The following MAP4K5 variants were observed in gnomAD, a reference collection of about 807,000 sequenced individuals.
MAP4K5 encodes mitogen-activated protein kinase kinase kinase kinase 5.
In MAP4K5, 82 loss-of-function variants were observed where a neutral mutation model predicts 135.6. That is an observed-to-expected ratio of 0.60 (90% CI 0.51 to 0.73). The LOEUF is 0.73. Ranked by LOEUF, MAP4K5 falls within the 30% of genes least tolerant of loss-of-function variation. MAP4K5 has a pLI of 0.00. For missense variants in MAP4K5, 907 were observed against 1,010.9 expected, an observed-to-expected ratio of 0.90 and a Z score of 1.39; for synonymous variants, 347 against 335.0, an observed-to-expected ratio of 1.04 and a Z score of -0.39.
chr14:50,480,603 C>T (rs1417442170), intron 6 of MAP4K5, among the ~76,000 whole-genome samples: 1 of 152,038 alleles, frequency 6.6e-6, no homozygotes, highest in African/African-American at 2.4e-5. Context: ...TAAGGATCTC[C>T]AGCTCCATCC....
intron 2 of MAP4K5, among the ~76,000 whole-genome samples, chr14:50,528,109 C>T (rs901419864): frequency 6.6e-6 from 1 of 152,066 alleles, no homozygotes. Context: ...ACATTTAATC[C>T]TTCATCCACC....
chr14:50,531,813 C>A lies in MAP4K5; in HGVS notation c.108+129G>T, dbSNP rs2038396028. On this transcript the variant is annotated intron_variant, in intron 2 of 32. Transcript: ENST00000682126. ...GTGCTCAGAACCGAGTAAAAGGGAC[C>A]CCGGCCGCTTTCTCCCCAAGAGGCA... is the stretch of plus-strand genomic sequence containing the variant. The A allele has an allele frequency of 8.1e-6, 6 of 744,316 alleles. No individual in the cohort carries two copies. The African/African-American group carries it at 8.7e-5, about 11-fold the overall frequency. 46.1% of individuals were successfully genotyped at this position (744,316 alleles called of 1,614,324 possible).
In MAP4K5 at chr14:50,475,153, G is replaced by C; in HGVS notation, c.470-4C>G. The C allele has an allele frequency of 6.2e-7, 1 of 1,613,566 alleles. No individual in the cohort carries two copies. Among genetic ancestry groups the C allele is most frequent in the Non-Finnish European group, 8.5e-7 (1 of 1,179,592 alleles). ...TTTGCAGCCACACCAAAGTCAGCTA[G>C]TGAGGAAAAAAACAGAAAATTTTAG... On this transcript the variant is annotated splice_region_variant and splice_polypyrimidine_tract_variant and intron_variant, in intron 8 of 32. Coordinates refer to ENST00000682126, the MANE Select transcript of MAP4K5 (RefSeq NM_006575.6).
At chr14:50,517,380 G>T (rs2038055388) in intron 2 of MAP4K5, among the ~76,000 whole-genome samples, 2 of 151,888 alleles carry the variant, frequency 1.3e-5, no homozygotes, top group African/African-American at 4.8e-5. Flanking sequence ...TCGAACTCCT[G>T]ACCTCAGGTG....
intron 3 of MAP4K5, among the ~76,000 whole-genome samples, chr14:50,501,443 T>A (rs1380344356): frequency 6.6e-6 from 1 of 151,588 alleles, no homozygotes; most frequent in Non-Finnish European, 1.5e-5. Flanking sequence ...TAAGAAAATA[T>A]TAAAAACAAA....
chr14:50,535,894 A>G (rs552481835), upstream of MAP4K5, among the ~76,000 whole-genome samples: 1 of 152,184 alleles, frequency 6.6e-6, no homozygotes, highest in African/African-American at 2.4e-5. Context: ...CATGAGGGCA[A>G]GTCTTTCCCA....
intron 31 of MAP4K5, among the ~76,000 whole-genome samples, chr14:50,424,264 T>A (rs1241515816): frequency 5.9e-5 from 9 of 152,066 alleles, no homozygotes; most frequent in African/African-American, 2.2e-4. Context: ...GGTGTTATAC[T>A]AGTTGGAGCT....
At chr14:50,472,519 G>C (rs1374662098) in intron 9 of MAP4K5, 1 of 152,106 alleles carries the variant, frequency 6.6e-6, no homozygotes, top group Non-Finnish European at 1.5e-5. Flanking sequence ...AATATGGGAA[G>C]GCATGTAATT....
intron 5 of MAP4K5, among the ~76,000 whole-genome samples, chr14:50,483,786 C>T (rs1277232974): frequency 6.8e-6 from 1 of 146,708 alleles, no homozygotes; most frequent in African/African-American, 2.5e-5. Context: ...TGTGAATGGA[C>T]AAAAATTACA....
intron 3 of MAP4K5, among the ~76,000 whole-genome samples, chr14:50,487,833 T>C (rs2037399797): frequency 6.6e-6 from 1 of 152,176 alleles, no homozygotes; most frequent in South Asian, 2.1e-4. Context: ...TCTTCTTTTA[T>C]ATCACTCCTC....
At chr14:50,501,882 C>G (rs980540757) in intron 3 of MAP4K5, among the ~76,000 whole-genome samples, 1 of 152,164 alleles carries the variant, frequency 6.6e-6, no homozygotes, top group Non-Finnish European at 1.5e-5. Context: ...TCCGTGAGAA[C>G]AAGGTCTTTG....
chr14:50,529,105 G>A (rs929924351), intron 2 of MAP4K5, among the ~76,000 whole-genome samples: 7 of 152,080 alleles, frequency 4.6e-5, no homozygotes, highest in African/African-American at 1.7e-4. Flanking sequence ...TCACAGGGCC[G>A]GATGTGGTGG....
intron 21 of MAP4K5, 34 bp from the exon 22 acceptor site, chr14:50,440,475 C>A: frequency 9.0e-7 from 1 of 1,113,478 alleles, no homozygotes; most frequent in South Asian, 1.6e-5. Context: ...CAGAATTTAC[C>A]ATCATCTTCT....
intron 16 of MAP4K5, among the ~76,000 whole-genome samples, chr14:50,446,431 A>G (rs1305199499): frequency 6.6e-6 from 1 of 152,236 alleles, no homozygotes; most frequent in Non-Finnish European, 1.5e-5. Context: ...AGAATTTTAG[A>G]GTTGGGACCC....
rs577023101 is a variant in MAP4K5, at chr14:50,517,324, G to A, written c.109-12467C>T. Reference sequence around the variant, plus strand: ...GTGCCACCACGCCCAGCTAATTTTTGTATTTTTAGTGGAGACGGGGTTTCA... The same window carrying A: ...GTGCCACCACGCCCAGCTAATTTTTATATTTTTAGTGGAGACGGGGTTTCA... On this transcript the variant is annotated intron_variant, in intron 2 of 32. Transcript: ENST00000682126. Among the ~76,000 whole-genome samples, 7 of 151,712 alleles carry A rather than the reference G, an allele frequency of 4.6e-5. No individual in the cohort carries two copies. The East Asian group carries it at 1.4e-3, about 30-fold the overall frequency.
intron 32 of MAP4K5, among the ~76,000 whole-genome samples, chr14:50,421,924 C>T (rs1027974210): frequency 2.0e-5 from 3 of 147,612 alleles, no homozygotes; most frequent in Non-Finnish European, 3.0e-5. Context: ...CAGAGTCTTG[C>T]TCTGTCGCCC....
chr14:50,452,078 A>G lies in MAP4K5; in HGVS notation c.1016-3246T>C, dbSNP rs373961963. On this transcript the variant is annotated intron_variant, in intron 14 of 32. Transcript: ENST00000682126. ...CGACAGCAAGCCGCAGCTCCCAGTC[A>G]GCTACCCTAACATTAAGTATTCTGA... Among the ~76,000 whole-genome samples the G allele has an allele frequency of 5.1e-4, 77 of 152,350 alleles. No individual in the cohort carries two copies. In the South Asian group the frequency reaches 0.016, roughly 31 times the overall value.
At chr14:50,491,269 A>G (rs2037478067) in intron 3 of MAP4K5, among the ~76,000 whole-genome samples, 1 of 151,938 alleles carries the variant, frequency 6.6e-6, no homozygotes, top group South Asian at 2.1e-4. Flanking sequence ...AATTCAACCA[A>G]TGTCTATAAT....
intron 1 of MAP4K5, chr14:50,560,142 C>A: frequency 8.6e-7 from 1 of 1,167,640 alleles, no homozygotes; most frequent in East Asian, 2.5e-5. Context: ...CAGCAACATC[C>A]TCAGAGTCTG....
Sources: gnomAD v4.1 joint callset for allele counts (sites outside exome capture counted in the v4.1 genomes callset) on GRCh38, gnomAD v4.1.1 for gene constraint, MANE v1.5 for transcripts, NCBI Gene and HGNC (gene_info 2026-07-23, HGNC 2026-07-21) for gene names.